Variants in HMCN1 observed in about 807,000 individuals in gnomAD.
HMCN1 encodes hemicentin-1.
In HMCN1, 321 loss-of-function variants were observed where a neutral mutation model predicts 625.9. The ratio of observed to expected loss-of-function variants is 0.51; its 90% confidence interval spans 0.47 to 0.56. The LOEUF (loss-of-function observed/expected upper bound fraction) is 0.56, where lower values mean the gene tolerates loss of function less well. HMCN1 is among the 20% of genes least tolerant of loss of function. HMCN1 has a pLI of 0.00. For missense variants in HMCN1, 6,588 were observed against 6,887.3 expected (o/e 0.96, Z 1.54); for synonymous variants, 2,425 against 2,417.6 (o/e 1.00, Z -0.09).
intron 4 of HMCN1, among the ~76,000 whole-genome samples, chr1:185,892,997 G>A (rs1665224781): frequency 6.6e-6 from 1 of 152,196 alleles, no homozygotes; most frequent in South Asian, 2.1e-4. Context: ...GCCAGGTGCG[G>A]GATATAATCT....
Position 186,145,746 on chromosome 1 carries a change from T to A in HMCN1, c.14438-7T>A. The A allele has an allele frequency of 6.2e-7, 1 of 1,614,154 alleles. No individual in the cohort carries two copies. Among genetic ancestry groups the A allele is most frequent in the Non-Finnish European group, 8.5e-7 (1 of 1,180,000 alleles). On this transcript the variant is annotated splice_region_variant and splice_polypyrimidine_tract_variant and intron_variant, in intron 92 of 106. Transcript: ENST00000271588. ...CTTAACAGTGACCATTCCATTCTTGTTCACAGTGGATGGAAGTTGGGGAAG... is the reference window on the plus strand; with the variant it reads ...CTTAACAGTGACCATTCCATTCTTGATCACAGTGGATGGAAGTTGGGGAAG...
chr1:186,189,360 TG>T, intron 106 of HMCN1, 151 bp from the exon 107 acceptor site: 1 of 736,972 alleles, frequency 1.4e-6, no homozygotes, highest in South Asian at 1.6e-5. Context: ...TTTGAGTTAG[TG>T]ACACAGAAGA....
Position 186,055,506 on chromosome 1 carries a change from T to G in HMCN1, c.6976T>G (p.Trp2326Gly). 1 of 1,612,924 alleles carries G rather than the reference T, an allele frequency of 6.2e-7. No individual in the cohort carries two copies. Among genetic ancestry groups the G allele is most frequent in the Non-Finnish European group, 8.5e-7 (1 of 1,179,322 alleles). ...GGGTATTCCACCACCAACAGTGACC[T>G]GGATGAAAGATGGCCACCCCTTGAT... The part of the protein sequence containing the change: ...VQGIPPPTVT[W>G]MKDGHPLIKA... The change falls in exon 45 of 107, where the codon TGG becomes GGG. Residue 2326 changes from tryptophan (W) to glycine (G), a missense_variant. Transcript: ENST00000271588.
intron 89 of HMCN1, among the ~76,000 whole-genome samples, chr1:186,142,820 A>G (rs1449606681): frequency 3.3e-5 from 5 of 152,208 alleles, no homozygotes; most frequent in Non-Finnish European, 7.4e-5. Context: ...ATGTTACCCA[A>G]TTGTTAACCC....
At chr1:186,073,880 G>A (rs1355709105) in intron 52 of HMCN1, among the ~76,000 whole-genome samples, 2 of 152,108 alleles carry the variant, frequency 1.3e-5, no homozygotes, top group South Asian at 2.1e-4. Flanking sequence ...GATTATGAAG[G>A]AGCATAGTTA....
chr1:186,085,813 C>G (rs1228216396), intron 57 of HMCN1, among the ~76,000 whole-genome samples: 3 of 152,008 alleles, frequency 2.0e-5, no homozygotes, highest in Non-Finnish European at 2.9e-5. Context: ...ACTCTAGATC[C>G]CTGCCCCATT....
intron 1 of HMCN1, among the ~76,000 whole-genome samples, chr1:185,829,375 A>G (rs966748821): frequency 6.6e-6 from 1 of 151,514 alleles, no homozygotes; most frequent in Non-Finnish European, 1.5e-5. Flanking sequence ...TGCTGCACCT[A>G]TTGACCTGTC....
At chr1:185,828,821 A>T (rs559224412) in intron 1 of HMCN1, among the ~76,000 whole-genome samples, 2 of 152,260 alleles carry the variant, frequency 1.3e-5, no homozygotes, top group Admixed American at 1.3e-4. Context: ...AAACAAAGGT[A>T]ATATAAACAT....
chr1:185,917,029 G>A (rs1292858014), intron 6 of HMCN1, among the ~76,000 whole-genome samples: 1 of 152,036 alleles, frequency 6.6e-6, no homozygotes, highest in Admixed American at 6.6e-5. Flanking sequence ...ATGGCCTAGT[G>A]GTATACTAGA....
chr1:186,117,182 C>G, intron 76 of HMCN1, 67 bp downstream of exon 76: 14 of 1,573,762 alleles, frequency 8.9e-6, no homozygotes, highest in South Asian at 1.2e-5. Flanking sequence ...TACTACTTTA[C>G]AAAAGGGATC....
At chr1:185,821,333 A>T (rs1029232862) in intron 1 of HMCN1, among the ~76,000 whole-genome samples, 6 of 152,142 alleles carry the variant, frequency 3.9e-5, no homozygotes, top group Non-Finnish European at 7.3e-5. Context: ...GAGAATAATT[A>T]TATGTCATTA....
chr1:185,958,729 A>C (rs907658211), intron 11 of HMCN1, among the ~76,000 whole-genome samples: 6 of 152,208 alleles, frequency 3.9e-5, no homozygotes, highest in Non-Finnish European at 5.9e-5. Context: ...CCATGGAGCA[A>C]GCAATGTCTG....
rs185644955 is a variant in HMCN1 at position 186,145,352 on chromosome 1, A to G, written c.14267-51A>G. ...TTTTGGATGAATGTCATTGTTGACCACTTCTCATTTTAGGGGCTCTGTTTT... is the reference window on the plus strand; with the variant it reads ...TTTTGGATGAATGTCATTGTTGACCGCTTCTCATTTTAGGGGCTCTGTTTT... On this transcript the variant is annotated intron_variant, in intron 91 of 106. Coordinates refer to ENST00000271588, the MANE Select transcript of HMCN1 (RefSeq NM_031935.3). 627 of 1,493,342 alleles carry G rather than the reference A, an allele frequency of 4.2e-4. 2 individuals carry two copies. Among genetic ancestry groups the G allele is most frequent in the Admixed American group, 6.0e-4 (26 of 43,576 alleles). 92.5% of individuals were successfully genotyped at this position (1,493,342 alleles called of 1,614,324 possible).
intron 1 of HMCN1, among the ~76,000 whole-genome samples, chr1:185,736,476 C>A (rs376240434): frequency 6.6e-6 from 1 of 152,014 alleles, no homozygotes; most frequent in South Asian, 2.1e-4. Context: ...TTTCGGAATA[C>A]CTTGAGTATG....
chr1:185,950,999 AAC>A (rs1269214864), intron 11 of HMCN1, among the ~76,000 whole-genome samples: 2 of 151,280 alleles, frequency 1.3e-5, no homozygotes, highest in East Asian at 3.9e-4. Flanking sequence ...GGCGAGTGAT[AAC>A]AGGCTTTAAT....
intron 8 of HMCN1, among the ~76,000 whole-genome samples, chr1:185,924,482 A>T (rs1429924147): frequency 1.3e-5 from 2 of 152,086 alleles, no homozygotes; most frequent in African/African-American, 4.8e-5. Flanking sequence ...TTTATCATTT[A>T]TACATAAGAT....
intron 1 of HMCN1, among the ~76,000 whole-genome samples, chr1:185,796,027 T>C (rs560422310): frequency 6.6e-6 from 1 of 152,336 alleles, no homozygotes; most frequent in East Asian, 1.9e-4. Flanking sequence ...TGATAAAGCC[T>C]GGGCTATTAG....
At chr1:186,026,122 G>T (rs1264671747) in intron 36 of HMCN1, among the ~76,000 whole-genome samples, 1 of 152,146 alleles carries the variant, frequency 6.6e-6, no homozygotes, top group Non-Finnish European at 1.5e-5. Context: ...GGACACATAA[G>T]TCTCCAAACC....
intron 36 of HMCN1, among the ~76,000 whole-genome samples, chr1:186,028,750 A>C (rs1389398882): frequency 1.5e-5 from 2 of 133,854 alleles, no homozygotes; most frequent in African/African-American, 5.9e-5. Context: ...TTTGAGACGG[A>C]GTCTCGCACT....
Sources: allele counts gnomAD v4.1 joint callset (sites outside exome capture counted in the v4.1 genomes callset), GRCh38; gene constraint gnomAD v4.1.1; transcripts MANE v1.5; gene names NCBI Gene and HGNC (gene_info 2026-07-23, HGNC 2026-07-21).